IPO7: variants seen among roughly 807,000 people sequenced by gnomAD.
The protein encoded by IPO7 is importin-7.
IPO7 carries 13 observed loss-of-function variants against 136.4 expected under a neutral mutation model. The observed-to-expected ratio is 0.10, with a 90% CI of 0.06 to 0.15. The LOEUF (loss-of-function observed/expected upper bound fraction) is 0.15, where lower values mean the gene tolerates loss of function less well. IPO7 is among the 10% of genes least tolerant of loss of function. The pLI, the probability that IPO7 is intolerant of heterozygous loss-of-function variation, is 1.00. For synonymous variants in IPO7, 403 were observed against 404.4 expected, an observed-to-expected ratio of 1.00 and a Z score of 0.04; for missense variants, 857 against 1,240.6, an observed-to-expected ratio of 0.69 and a Z score of 4.65.
At chr11:9,423,726 G>A (rs759796627) in intron 9 of IPO7, 51 bp from the exon 10 acceptor site, 2 of 1,188,180 alleles carry the variant, frequency 1.7e-6, no homozygotes, top group East Asian at 2.4e-5. Flanking sequence ...AAATTTGAAG[G>A]TTTAAATTTG....
intron 11 of IPO7, 21 bp from the exon 12 acceptor site, chr11:9,425,125 T>C (rs753524789): frequency 1.4e-6 from 2 of 1,480,632 alleles, no homozygotes; most frequent in East Asian, 2.3e-5. Flanking sequence ...TCAGTAACAA[T>C]ACTTTTCTCT....
At position 9,384,669 on chromosome 11, in the gene IPO7, C is replaced by A. The variant is rs17554046; in HGVS notation, c.-95C>A. The A allele has an allele frequency of 5.7e-6, 6 of 1,057,680 alleles. No individual in the cohort carries two copies. The highest frequency in any genetic ancestry group is 1.7e-5 in the African/African-American group (1 of 60,306). 65.5% of individuals were successfully genotyped at this position (1,057,680 alleles called of 1,614,324 possible). A position where few individuals can be genotyped will look rare whatever the true frequency, so the allele number is the denominator to read the frequency against. ...TTCTCTTTCCTTTCGCGCCGGTTGCCGCTGCGGAGCGCGGCGGGTCCATGT... is the reference window on the plus strand; with the variant it reads ...TTCTCTTTCCTTTCGCGCCGGTTGCAGCTGCGGAGCGCGGCGGGTCCATGT... On this transcript the variant is annotated 5_prime_UTR_variant, in exon 1 of 25. Coordinates refer to ENST00000379719, the MANE Select transcript of IPO7 (RefSeq NM_006391.3).
At chr11:9,385,322 T>C (rs1854537140) in intron 1 of IPO7, among the ~76,000 whole-genome samples, 1 of 152,166 alleles carries the variant, frequency 6.6e-6, no homozygotes, top group Non-Finnish European at 1.5e-5. Context: ...CTTGTCACTT[T>C]GCTGGGCTGA....
chr11:9,434,921 T>C lies in IPO7; in HGVS notation c.2075-13T>C. 5 of 1,519,654 alleles carry C rather than the reference T, an allele frequency of 3.3e-6. No homozygotes were observed. Among genetic ancestry groups the C allele is most frequent in the Non-Finnish European group, 4.6e-6 (5 of 1,097,318 alleles). The allele number at this position is 1,519,654 out of a possible 1,614,324, so 94.1% of individuals were successfully genotyped here. A position where few individuals can be genotyped will look rare whatever the true frequency, so the allele number is the denominator to read the frequency against. ...TACTAAAGATGTGTAACCGATGTTTTTTATTAATACAGATATGATGCCCCT... is the reference window on the plus strand; with the variant it reads ...TACTAAAGATGTGTAACCGATGTTTCTTATTAATACAGATATGATGCCCCT... On this transcript the variant is annotated splice_polypyrimidine_tract_variant and intron_variant, in intron 18 of 24. Transcript: ENST00000379719.
chr11:9,390,508 A>C (rs1193295835), intron 1 of IPO7, among the ~76,000 whole-genome samples: 1 of 152,236 alleles, frequency 6.6e-6, no homozygotes, highest in Non-Finnish European at 1.5e-5. Context: ...TAAGCAAAAT[A>C]TTTTAGGAAG....
chr11:9,427,139 T>C (rs1223904259), intron 12 of IPO7, among the ~76,000 whole-genome samples: 2 of 152,204 alleles, frequency 1.3e-5, no homozygotes, highest in Non-Finnish European at 2.9e-5. Flanking sequence ...CGTGAGCCAC[T>C]GTGCCTGGCC....
chr11:9,444,451 T>A (rs1471579216), intron 24 of IPO7, among the ~76,000 whole-genome samples: 1 of 151,386 alleles, frequency 6.6e-6, no homozygotes, highest in African/African-American at 2.4e-5. Context: ...GCCACCTCCA[T>A]CTCCCGATTT....
At chr11:9,430,504 G>T (rs1474694203) in intron 15 of IPO7, 1 of 172,102 alleles carries the variant, frequency 5.8e-6, no homozygotes, top group Non-Finnish European at 1.2e-5. Flanking sequence ...AGATAAATCA[G>T]TGACCCCCTT....
At chr11:9,386,095 G>A (rs921198045) in intron 1 of IPO7, among the ~76,000 whole-genome samples, 6 of 152,134 alleles carry the variant, frequency 3.9e-5, no homozygotes. Context: ...ATTACTAACT[G>A]GACTTTCAGT....
In IPO7 at chr11:9,438,348, C is replaced by G; in HGVS notation, c.2695+63C>G. ...ACTTAGAAATATTACCGCACTGGGCCGGGCGCAGTGGCTCAGGCCTGTAAT... is the reference window on the plus strand; with the variant it reads ...ACTTAGAAATATTACCGCACTGGGCGGGGCGCAGTGGCTCAGGCCTGTAAT... On this transcript the variant is annotated intron_variant, in intron 22 of 24. Coordinates refer to ENST00000379719, the MANE Select transcript of IPO7 (RefSeq NM_006391.3). 3.8e-6 allele frequency: 4 copies of G among 1,063,136 alleles called. No homozygotes were observed. The South Asian group carries it at 3.9e-5, about 10-fold the overall frequency. The allele number at this position is 1,063,136 out of a possible 1,614,324, so 65.9% of individuals were successfully genotyped here.
At chr11:9,419,562 ATAT>A (rs1564998506) in intron 6 of IPO7, among the ~76,000 whole-genome samples, 5 of 74,658 alleles carry the variant, frequency 6.7e-5, no homozygotes, top group African/African-American at 1.1e-4. Flanking sequence ...AAAAAAAAAT[ATAT>A]ATATATATAT....
In IPO7 at chr11:9,384,809, C is replaced by T; in HGVS notation, c.46C>T (p.Pro16Ser). 5 of 1,607,476 alleles carry T rather than the reference C, an allele frequency of 3.1e-6. No individual in the cohort carries two copies. Among genetic ancestry groups the T allele is most frequent in the Non-Finnish European group, 2.5e-6 (3 of 1,177,174 alleles). ...IIEALRGTMD[P>S]ALREAAERQL... ...CGAGGCCCTGCGGGGCACTATGGAC[C>T]CAGCCCTGCGTGAGGCCGCGGAGCG... Residue 16 changes from proline (P) to serine (S), a missense_variant, in exon 1 of 25, where the codon CCA (proline) becomes TCA (serine). Around this residue, in one of 11 missense-constraint regions of IPO7, gnomAD observed 49 missense variants for 59.9 expected, o/e 0.82. Coordinates refer to ENST00000379719, the MANE Select transcript of IPO7 (RefSeq NM_006391.3).
Position 9,436,253 on chromosome 11 carries a change from A to G in IPO7, c.2173-18A>G. 1.9e-6 allele frequency: 3 copies of G among 1,573,528 alleles called. No homozygotes were observed. Among genetic ancestry groups the G allele is most frequent in the Non-Finnish European group, 2.6e-6 (3 of 1,143,730 alleles). On this transcript the variant is annotated intron_variant, in intron 19 of 24. Coordinates refer to ENST00000379719, the MANE Select transcript of IPO7 (RefSeq NM_006391.3). ...AAAGGATAAAGCCTTACTGCAATTT[A>G]TATTCTGTTTTGATCAGGTTCTTAC... is the stretch of plus-strand genomic sequence containing the variant.
At chr11:9,413,419 GTAA>G (rs975319836) in intron 4 of IPO7, among the ~76,000 whole-genome samples, 29 of 151,972 alleles carry the variant, frequency 1.9e-4, no homozygotes, top group Non-Finnish European at 4.0e-4. Flanking sequence ...CTTAAGGATG[GTAA>G]TAATAATCAG....
At chr11:9,413,152 A>G (rs1854992329) in intron 4 of IPO7, among the ~76,000 whole-genome samples, 1 of 152,102 alleles carries the variant, frequency 6.6e-6, no homozygotes, top group Admixed American at 6.6e-5. Flanking sequence ...TGCTAGGATT[A>G]GAGGCGTGAG....
At chr11:9,417,339 A>T (rs2133744623) in intron 6 of IPO7, among the ~76,000 whole-genome samples, 191 bp downstream of exon 6, 1 of 152,264 alleles carries the variant, frequency 6.6e-6, no homozygotes, top group Admixed American at 6.5e-5. Flanking sequence ...TAGTGTAAAA[A>T]GTTGTAAAGG....
At chr11:9,385,245 G>A (rs1012691186) in intron 1 of IPO7, among the ~76,000 whole-genome samples, 3 of 152,132 alleles carry the variant, frequency 2.0e-5, no homozygotes, top group African/African-American at 7.2e-5. Flanking sequence ...GACCAGTCTC[G>A]CCGTCGCAGG....
chr11:9,389,712 C>G (rs779494842), intron 1 of IPO7, among the ~76,000 whole-genome samples: 1 of 151,942 alleles, frequency 6.6e-6, no homozygotes, highest in Non-Finnish European at 1.5e-5. Context: ...GACATTTAAA[C>G]TCTTAGTTCC....
At chr11:9,393,332 G>A (rs1040258775) in intron 1 of IPO7, among the ~76,000 whole-genome samples, 68 of 152,192 alleles carry the variant, frequency 4.5e-4, no homozygotes, top group African/African-American at 1.6e-3. Context: ...GAGAAGCCAA[G>A]AAAGATAATT....
Sources: gnomAD v4.1 joint callset for allele counts (sites outside exome capture counted in the v4.1 genomes callset) on GRCh38, gnomAD v4.1.1 for gene constraint, gnomAD v4.1.1 regional missense constraint, MANE v1.5 for transcripts, NCBI Gene and HGNC (gene_info 2026-07-23, HGNC 2026-07-21) for gene names.